Variants in MEGF11 observed in about 807,000 individuals in gnomAD.
The protein encoded by MEGF11 is multiple EGF like domains 11, also known as multiple epidermal growth factor-like domains protein 11.
In MEGF11, 126 loss-of-function variants were observed where a neutral mutation model predicts 146.6. That is an observed-to-expected ratio of 0.86 (90% confidence interval 0.74 to 1.00). The LOEUF (loss-of-function observed/expected upper bound fraction) is 1.00, where lower values mean the gene tolerates loss of function less well. MEGF11 is among the 50% of genes least tolerant of loss of function. The pLI is 0.00. For synonymous variants in MEGF11, 532 were observed against 583.4 expected, an observed-to-expected ratio of 0.91 and a Z score of 1.27; for missense variants, 1,509 against 1,521.2, an observed-to-expected ratio of 0.99 and a Z score of 0.13.
chr15:65,906,657 G>A (rs1231599137), intron 23 of MEGF11: 1 of 152,390 alleles, frequency 6.6e-6, no homozygotes, highest in Admixed American at 6.5e-5. Flanking sequence ...TCCTCTCCTG[G>A]ATCCAAGGCT....
intron 10 of MEGF11, among the ~76,000 whole-genome samples, chr15:65,934,903 C>G (rs1019990886): frequency 6.6e-6 from 1 of 152,156 alleles, no homozygotes; most frequent in African/African-American, 2.4e-5. Flanking sequence ...CATCCATATC[C>G]TTTGTAATAT....
chr15:66,203,851 A>T (rs1408013410), intron 1 of MEGF11, among the ~76,000 whole-genome samples: 4 of 152,236 alleles, frequency 2.6e-5, no homozygotes, highest in Admixed American at 2.6e-4. Flanking sequence ...CAGTTGCAAT[A>T]ATGTTCTTGT....
intron 1 of MEGF11, among the ~76,000 whole-genome samples, chr15:66,214,161 G>A (rs7176219): frequency 0.11 from 16,252 of 150,438 alleles, 983 homozygotes; most frequent in Non-Finnish European, 0.15. Flanking sequence ...TCAGCCTCCC[G>A]AGTAGCTGGG....
At chr15:66,210,525 C>T (rs992711844) in intron 1 of MEGF11, among the ~76,000 whole-genome samples, 4 of 152,194 alleles carry the variant, frequency 2.6e-5, no homozygotes, top group African/African-American at 7.2e-5. Context: ...CACCAACCAC[C>T]TCCCAACCAC....
chr15:65,987,902 G>A (rs929552350), intron 5 of MEGF11, among the ~76,000 whole-genome samples: 2 of 151,820 alleles, frequency 1.3e-5, no homozygotes, highest in East Asian at 1.9e-4. Context: ...GTACAGATGG[G>A]GTTTCACTGT....
intron 5 of MEGF11, among the ~76,000 whole-genome samples, chr15:66,036,901 C>T (rs1941078120): frequency 1.3e-5 from 2 of 152,186 alleles, no homozygotes; most frequent in Admixed American, 1.3e-4. Context: ...CTAATTCCTC[C>T]TTGCATTTTT....
At chr15:66,246,071 A>G (rs1195585160) in intron 1 of MEGF11, among the ~76,000 whole-genome samples, 4 of 152,000 alleles carry the variant, frequency 2.6e-5, no homozygotes, top group Non-Finnish European at 5.9e-5. Context: ...GACCAGGCCA[A>G]CACAGTGAGA....
At chr15:66,083,230 G>T (rs2085971865) in intron 5 of MEGF11, among the ~76,000 whole-genome samples, 1 of 152,198 alleles carries the variant, frequency 6.6e-6, no homozygotes, top group Non-Finnish European at 1.5e-5. Context: ...TGGTATGAAG[G>T]TAGAGATCAT....
intron 5 of MEGF11, among the ~76,000 whole-genome samples, chr15:65,988,210 T>C (rs2081930797): frequency 6.6e-6 from 1 of 151,950 alleles, no homozygotes. Flanking sequence ...GATTTCACCA[T>C]GTTGGCCAGG....
chr15:66,131,234 C>G (rs1021213034), intron 1 of MEGF11, among the ~76,000 whole-genome samples: 2 of 152,260 alleles, frequency 1.3e-5, no homozygotes, highest in African/African-American at 4.8e-5. Flanking sequence ...GTACCTCTCA[C>G]ACCTGCAGAC....
At chr15:66,221,611 C>A (rs950444328) in intron 1 of MEGF11, among the ~76,000 whole-genome samples, 1 of 151,754 alleles carries the variant, frequency 6.6e-6, no homozygotes, top group South Asian at 2.1e-4. Flanking sequence ...GGGGACAGAC[C>A]TCTCTTTATT....
chr15:65,898,390 G>A (rs761979034), intron 25 of MEGF11: 95 of 985,212 alleles, frequency 9.6e-5, no homozygotes, highest in Middle Eastern at 5.2e-4. Flanking sequence ...TTAGAGACTT[G>A]TTGATGTCTC....
chr15:66,242,176 G>C (rs2092222998), intron 1 of MEGF11, among the ~76,000 whole-genome samples: 1 of 152,068 alleles, frequency 6.6e-6, no homozygotes, highest in Admixed American at 6.6e-5. Context: ...GGAGGCCAAA[G>C]CAGGAGGATC....
chr15:66,240,461 G>A (rs757658022), intron 1 of MEGF11, among the ~76,000 whole-genome samples: 4 of 152,202 alleles, frequency 2.6e-5, no homozygotes, highest in African/African-American at 9.7e-5. Context: ...AGGTGCTTCC[G>A]GTGAACAATT....
intron 16 of MEGF11, among the ~76,000 whole-genome samples, chr15:65,917,758 G>A (rs1338695116): frequency 3.3e-5 from 5 of 152,166 alleles, no homozygotes; most frequent in East Asian, 1.9e-4. Context: ...AACAATATCA[G>A]TACCTTTGAT....
intron 1 of MEGF11, among the ~76,000 whole-genome samples, chr15:66,167,411 G>A (rs1422493699): frequency 6.6e-6 from 1 of 151,982 alleles, no homozygotes; most frequent in African/African-American, 2.4e-5. Context: ...GGAGGCCGAG[G>A]CGGGCGGATC....
chr15:66,220,521 G>A (rs559645471), intron 1 of MEGF11, among the ~76,000 whole-genome samples: 6 of 109,842 alleles, frequency 5.5e-5, no homozygotes, highest in South Asian at 3.2e-4. Context: ...AGGAGGTTTC[G>A]TTGGGTTTTT....
At chr15:65,980,662 G>T (rs1029588417) in intron 7 of MEGF11, 116 bp downstream of exon 7, 2 of 1,375,112 alleles carry the variant, frequency 1.5e-6, no homozygotes, top group African/African-American at 3.0e-5. Context: ...GCCTCCCAAA[G>T]TGCTGGGATT....
At chr15:66,172,260 A>C (rs1302061501) in intron 1 of MEGF11, among the ~76,000 whole-genome samples, 1 of 152,204 alleles carries the variant, frequency 6.6e-6, no homozygotes, top group African/African-American at 2.4e-5. Context: ...AGCAGGAATC[A>C]AAAAATGTCT....
Sources: allele counts gnomAD v4.1 joint callset (sites outside exome capture counted in the v4.1 genomes callset), GRCh38; gene constraint gnomAD v4.1.1; transcripts MANE v1.5; gene names NCBI Gene and HGNC (gene_info 2026-07-23, HGNC 2026-07-21).